Variants in DNAJB4 observed in about 807,000 individuals in gnomAD.
DNAJB4 encodes the protein DnaJ heat shock protein family (Hsp40) member B4.
A neutral mutation model predicts 26.6 loss-of-function variants in DNAJB4; 10 were observed. That is an observed-to-expected ratio of 0.38 (90% confidence interval 0.23 to 0.64). The LOEUF is 0.64. Among genes scored for constraint, DNAJB4 ranks in the 30% least tolerant of loss-of-function variants. The pLI is 0.58. For synonymous variants in DNAJB4, 136 were observed against 134.8 expected, an observed-to-expected ratio of 1.01 and a Z score of -0.06; for missense variants, 328 against 408.2, an observed-to-expected ratio of 0.80 and a Z score of 1.69.
At chr1:77,999,764 G>A (rs1660148781) in intron 1 of DNAJB4, among the ~76,000 whole-genome samples, 1 of 152,142 alleles carries the variant, frequency 6.6e-6, no homozygotes, top group Non-Finnish European at 1.5e-5. Flanking sequence ...TAATTTAAAT[G>A]ATTCATCTAA....
chr1:78,014,560 A>C (rs1246725796), intron 2 of DNAJB4, among the ~76,000 whole-genome samples: 1 of 152,124 alleles, frequency 6.6e-6, no homozygotes, highest in Admixed American at 6.5e-5. Context: ...ATGTCTACCC[A>C]TAAAATGTAT....
chr1:77,997,216 A>G (rs1446266256), intron 1 of DNAJB4, among the ~76,000 whole-genome samples: 3 of 151,330 alleles, frequency 2.0e-5, no homozygotes, highest in African/African-American at 7.3e-5. Flanking sequence ...GCAGTTGCAC[A>G]TGCCTGTAAT....
chr1:78,002,912 A>G (rs536965332), upstream of DNAJB4, among the ~76,000 whole-genome samples: 8 of 152,252 alleles, frequency 5.3e-5, no homozygotes, highest in South Asian at 1.4e-3. Flanking sequence ...TTAATATATA[A>G]TACAATTTCT....
intron 1 of DNAJB4, among the ~76,000 whole-genome samples, chr1:77,981,829 A>G (rs1050614285): frequency 2.0e-5 from 3 of 152,228 alleles, no homozygotes; most frequent in African/African-American, 7.2e-5. Context: ...GGCCTCTTTG[A>G]ATATTAATGG....
intron 1 of DNAJB4, among the ~76,000 whole-genome samples, chr1:77,983,146 A>G (rs1323426735): frequency 6.6e-6 from 1 of 152,216 alleles, no homozygotes; most frequent in East Asian, 1.9e-4. Flanking sequence ...AGGTCTTTGC[A>G]TCATAGACAA....
At chr1:78,001,509 T>C (rs1430086287), upstream of DNAJB4, among the ~76,000 whole-genome samples, 1 of 152,202 alleles carries the variant, frequency 6.6e-6, no homozygotes, top group Admixed American at 6.5e-5. Context: ...ACTCATGGCA[T>C]TTTATCTTCT....
chr1:77,998,242 G>C (rs545711625), intron 1 of DNAJB4, among the ~76,000 whole-genome samples: 4 of 152,248 alleles, frequency 2.6e-5, no homozygotes, highest in Admixed American at 2.6e-4. Context: ...ATAAATATTT[G>C]CTGAGTGATT....
intron 1 of DNAJB4, among the ~76,000 whole-genome samples, chr1:77,982,563 C>CTGTAATCCTAGCACTTTGGGAGGCT (rs11276171): frequency 6.6e-6 from 1 of 151,746 alleles, no homozygotes; most frequent in Non-Finnish European, 1.5e-5. Flanking sequence ...TGCCTCATGC[C>CTGTAATCCTAGCACTTTGGGAGGCT]GAGGCGGGTG....
intron 1 of DNAJB4, among the ~76,000 whole-genome samples, chr1:78,011,293 C>T (rs990898493): frequency 6.6e-5 from 10 of 152,090 alleles, no homozygotes; most frequent in South Asian, 4.2e-4. Flanking sequence ...AGAGGCCTTA[C>T]GTGTCAAAGT....
At chr1:77,980,483 G>A (rs1287509123) in intron 1 of DNAJB4, among the ~76,000 whole-genome samples, 1 of 151,934 alleles carries the variant, frequency 6.6e-6, no homozygotes, top group Non-Finnish European at 1.5e-5. Context: ...ATAGTAGTAA[G>A]CTCCAGGAAT....
chr1:78,002,241 T>A (rs901670665), upstream of DNAJB4, among the ~76,000 whole-genome samples: 1 of 152,192 alleles, frequency 6.6e-6, no homozygotes, highest in Non-Finnish European at 1.5e-5. Context: ...TTACATACTC[T>A]TCCTGTTTTT....
intron 2 of DNAJB4, among the ~76,000 whole-genome samples, chr1:78,015,740 G>A (rs549360903): frequency 6.6e-6 from 1 of 151,860 alleles, no homozygotes; most frequent in African/African-American, 2.4e-5. Flanking sequence ...GTAGAGACAA[G>A]ATTTCTCCAT....
chr1:78,004,178 G>A (rs1660260747), upstream of DNAJB4, among the ~76,000 whole-genome samples: 1 of 152,100 alleles, frequency 6.6e-6, no homozygotes, highest in Non-Finnish European at 1.5e-5. Context: ...CCTGTGGGGC[G>A]GCTGCAGGGG....
At chr1:77,981,667 G>T (rs910419530) in intron 1 of DNAJB4, among the ~76,000 whole-genome samples, 1 of 152,170 alleles carries the variant, frequency 6.6e-6, no homozygotes, top group African/African-American at 2.4e-5. Flanking sequence ...TGAGACAAAG[G>T]TTCTTTGTGA....
Position 77,984,760 on chromosome 1 carries a change from A to G in DNAJB4, c.-32+4438A>G, listed in dbSNP as rs562756034. 2.0e-5 allele frequency among the ~76,000 whole-genome samples: 3 copies of G among 152,282 alleles called. No individual in the cohort carries two copies. The South Asian group carries it at 6.2e-4, about 32-fold the overall frequency. ...TCTTTATTCCACTTATCATTTTCCT[A>G]CAAAGCTACATATGATTATGAATGT... On this transcript the variant is annotated intron_variant, in intron 1 of 2. Coordinates refer to the DNAJB4 transcript ENST00000426517.
intron 1 of DNAJB4, among the ~76,000 whole-genome samples, chr1:77,990,320 C>T: frequency 6.6e-6 from 1 of 152,200 alleles, no homozygotes; most frequent in Non-Finnish European, 1.5e-5. Context: ...GTTCCTCCTT[C>T]ACACTATAAA....
At chr1:77,994,709 A>T (rs1660020944) in intron 1 of DNAJB4, among the ~76,000 whole-genome samples, 2 of 152,166 alleles carry the variant, frequency 1.3e-5, no homozygotes, top group South Asian at 4.1e-4. Context: ...AATCACGTAG[A>T]TTCCTCATTT....
upstream of DNAJB4, among the ~76,000 whole-genome samples, chr1:78,003,630 C>T (rs1369176490): frequency 6.6e-6 from 1 of 152,048 alleles, no homozygotes; most frequent in Non-Finnish European, 1.5e-5. Context: ...GTGTGCAATT[C>T]TTCTGACTTT....
chr1:77,987,103 G>A (rs1659809409), intron 1 of DNAJB4, among the ~76,000 whole-genome samples: 1 of 152,146 alleles, frequency 6.6e-6, no homozygotes, highest in Non-Finnish European at 1.5e-5. Context: ...AGAATAATTA[G>A]GATTCATCTC....
Sources: gnomAD v4.1 joint callset for allele counts (sites outside exome capture counted in the v4.1 genomes callset) on GRCh38, gnomAD v4.1.1 for gene constraint, MANE v1.5 for transcripts, NCBI Gene and HGNC (gene_info 2026-07-23, HGNC 2026-07-21) for gene names.